TMEM132C: variants seen among roughly 807,000 people sequenced by gnomAD.
TMEM132C encodes the protein protein phosphatase 1, regulatory subunit 152.
A neutral mutation model predicts 61.4 loss-of-function variants in TMEM132C; 29 were observed. The observed-to-expected ratio is 0.47, with a 90% CI of 0.35 to 0.64. The LOEUF (loss-of-function observed/expected upper bound fraction) is 0.64, where lower values mean the gene tolerates loss of function less well. Ranked by LOEUF, TMEM132C falls within the 30% of genes least tolerant of loss-of-function variation. The pLI, the probability that TMEM132C is intolerant of heterozygous loss-of-function variation, is 0.00. For missense variants in TMEM132C, 1,408 were observed against 1,476.9 expected, an observed-to-expected ratio of 0.95 and a Z score of 0.76; for synonymous variants, 656 against 633.1, an observed-to-expected ratio of 1.04 and a Z score of -0.54.
intron 2 of TMEM132C, among the ~76,000 whole-genome samples, chr12:128,524,475 TG>T (rs1873018593): frequency 6.6e-6 from 1 of 152,188 alleles, no homozygotes; most frequent in Non-Finnish European, 1.5e-5. Context: ...TTTATGGCCC[TG>T]GGTATTACTT....
chr12:128,294,369 T>A (rs1871338892), intron 1 of TMEM132C, among the ~76,000 whole-genome samples: 1 of 152,162 alleles, frequency 6.6e-6, no homozygotes, highest in Admixed American at 6.5e-5. Context: ...CACACTTCAG[T>A]GACTCACACA....
chr12:128,296,883 A>C (rs1213771566), intron 1 of TMEM132C, among the ~76,000 whole-genome samples: 1 of 152,178 alleles, frequency 6.6e-6, no homozygotes, highest in African/African-American at 2.4e-5. Flanking sequence ...ATATATGATA[A>C]TATAAATAAA....
chr12:128,439,566 T>C (rs992653630), intron 2 of TMEM132C, among the ~76,000 whole-genome samples: 1 of 152,238 alleles, frequency 6.6e-6, no homozygotes, highest in Non-Finnish European at 1.5e-5. Flanking sequence ...TTTCATTCAA[T>C]ACTTTATATC....
chr12:128,402,689 G>C (rs1875207956), intron 1 of TMEM132C, among the ~76,000 whole-genome samples: 1 of 152,190 alleles, frequency 6.6e-6, no homozygotes, highest in Non-Finnish European at 1.5e-5. Flanking sequence ...GGAGGATGTG[G>C]AGGAATCGGC....
At chr12:128,296,232 C>A (rs1247117417) in intron 1 of TMEM132C, among the ~76,000 whole-genome samples, 1 of 152,188 alleles carries the variant, frequency 6.6e-6, no homozygotes, top group Non-Finnish European at 1.5e-5. Flanking sequence ...AATTAGGATG[C>A]TTTGGGCTGC....
chr12:128,397,558 T>C lies in TMEM132C; in HGVS notation c.86-17174T>C, dbSNP rs999717221. Among the ~76,000 whole-genome samples, 2 of 152,140 alleles carry C rather than the reference T, an allele frequency of 1.3e-5. 1 individual carries two copies. The highest frequency in any genetic ancestry group is 2.9e-5 in the Non-Finnish European group (2 of 68,024). ...CAAAAGTGGGTCTGCTTTTTGCTCTTACTGTGGGTTTGCAATTTGAAATAA... is the reference window on the plus strand; with the variant it reads ...CAAAAGTGGGTCTGCTTTTTGCTCTCACTGTGGGTTTGCAATTTGAAATAA... On this transcript the variant is annotated intron_variant, in intron 1 of 8. Coordinates refer to ENST00000435159, the MANE Select transcript of TMEM132C (RefSeq NM_001136103.3).
intron 3 of TMEM132C, among the ~76,000 whole-genome samples, chr12:128,565,570 A>G (rs990942608): frequency 7.9e-5 from 12 of 152,250 alleles, no homozygotes; most frequent in African/African-American, 2.9e-4. Context: ...ATAATTTGCA[A>G]AAAGCATCTC....
At chr12:128,595,591 C>T (rs1480842900) in intron 3 of TMEM132C, among the ~76,000 whole-genome samples, 3 of 152,254 alleles carry the variant, frequency 2.0e-5, no homozygotes, top group East Asian at 1.9e-4. Flanking sequence ...GAGGAGGCCA[C>T]GGGATTGTAA....
chr12:128,622,318 TG>T (rs1953969759), intron 4 of TMEM132C, among the ~76,000 whole-genome samples: 1 of 122,256 alleles, frequency 8.2e-6, no homozygotes, highest in South Asian at 2.9e-4. Flanking sequence ...CACTCTAGCC[TG>T]GGTGACAGAG....
intron 2 of TMEM132C, among the ~76,000 whole-genome samples, chr12:128,538,775 A>G (rs1177772591): frequency 2.0e-5 from 3 of 152,110 alleles, no homozygotes; most frequent in Non-Finnish European, 4.4e-5. Context: ...GAATTAGGAT[A>G]TATCTCTTTT....
At position 128,707,676 on chromosome 12, in the gene TMEM132C, C is replaced by G. The variant is rs1229958621; in HGVS notation, c.*1381C>G. 1 of 152,196 alleles carries G rather than the reference C, an allele frequency of 6.6e-6. No individual in the cohort carries two copies. Among genetic ancestry groups the G allele is most frequent in the East Asian group, 1.9e-4 (1 of 5,192 alleles). The allele number at this position is 152,196 out of a possible 1,614,324, so 9.4% of individuals were successfully genotyped here. A position where few individuals can be genotyped will look rare whatever the true frequency, so the allele number is the denominator to read the frequency against. ...GGCTGCGGCTGCAGGAGGAAGATGC[C>G]TGACAGCCCTCATGCTCTCCGCAGG... On this transcript the variant is annotated 3_prime_UTR_variant, in exon 9 of 9. Coordinates refer to ENST00000435159, the MANE Select transcript of TMEM132C (RefSeq NM_001136103.3).
intron 4 of TMEM132C, among the ~76,000 whole-genome samples, chr12:128,616,862 A>G (rs1876817977): frequency 1.3e-5 from 2 of 152,298 alleles, no homozygotes; most frequent in Admixed American, 1.3e-4. Context: ...CTGACTCACA[A>G]TGTGGCCACT....
At chr12:128,665,642 CA>C in intron 4 of TMEM132C, among the ~76,000 whole-genome samples, 1 of 149,216 alleles carries the variant, frequency 6.7e-6, no homozygotes, top group African/African-American at 2.5e-5. Context: ...CACACACACA[CA>C]CCCAGGCACA....
intron 1 of TMEM132C, among the ~76,000 whole-genome samples, chr12:128,359,145 T>G (rs1444728481): frequency 1.3e-5 from 2 of 152,202 alleles, no homozygotes; most frequent in Non-Finnish European, 2.9e-5. Flanking sequence ...TACTACTCGC[T>G]TTGTCATTGT....
intron 1 of TMEM132C, among the ~76,000 whole-genome samples, chr12:128,310,262 G>T (rs1419109875): frequency 1.3e-5 from 2 of 152,192 alleles, no homozygotes; most frequent in Non-Finnish European, 2.9e-5. Context: ...AAAGGATGAA[G>T]CTAGAGAGTG....
chr12:128,433,952 A>G (rs2136040813), intron 2 of TMEM132C, among the ~76,000 whole-genome samples: 1 of 152,356 alleles, frequency 6.6e-6, no homozygotes, highest in African/African-American at 2.4e-5. Context: ...AGAAGGCGTC[A>G]GTGGGCTGCC....
intron 2 of TMEM132C, among the ~76,000 whole-genome samples, chr12:128,485,563 A>G (rs1339288083): frequency 6.8e-6 from 1 of 147,828 alleles, no homozygotes; most frequent in Non-Finnish European, 1.5e-5. Context: ...GTCTGGAGAC[A>G]TTTTTGGTTG....
chr12:128,425,876 G>A (rs1449460357), intron 2 of TMEM132C, among the ~76,000 whole-genome samples: 1 of 152,206 alleles, frequency 6.6e-6, no homozygotes, highest in Admixed American at 6.5e-5. Flanking sequence ...GGATCCAGAA[G>A]GCTCTCATTT....
At chr12:128,645,080 G>C (rs549213887) in intron 4 of TMEM132C, among the ~76,000 whole-genome samples, 1 of 152,238 alleles carries the variant, frequency 6.6e-6, no homozygotes, top group African/African-American at 2.4e-5. Flanking sequence ...GAACCTCCTG[G>C]CCTTCACTGA....
Sources: allele counts gnomAD v4.1 joint callset (sites outside exome capture counted in the v4.1 genomes callset), GRCh38; gene constraint gnomAD v4.1.1; transcripts MANE v1.5; gene names NCBI Gene and HGNC (gene_info 2026-07-23, HGNC 2026-07-21).